Variants in LRRTM4 observed in about 807,000 individuals in gnomAD.
The protein encoded by LRRTM4 is leucine-rich repeat transmembrane neuronal protein 4.
LRRTM4 carries 25 observed loss-of-function variants against 47.6 expected under a neutral mutation model. The ratio of observed to expected loss-of-function variants is 0.53; its 90% CI spans 0.38 to 0.73. LRRTM4 has a LOEUF of 0.73. Ranked by LOEUF, LRRTM4 falls within the 30% of genes least tolerant of loss-of-function variation. The pLI, the probability that LRRTM4 is intolerant of heterozygous loss-of-function variation, is 0.00. For missense variants in LRRTM4, 638 were observed against 713.4 expected, an observed-to-expected ratio of 0.89 and a Z score of 1.20; for synonymous variants, 311 against 269.5, an observed-to-expected ratio of 1.15 and a Z score of -1.51.
rs374529044 is a variant in LRRTM4 at position 77,018,458 on chromosome 2, C to G, written c.1552-269542G>C. ...CCATATCATATCTGTGTCTGGATAA[C>G]CTTTTGCACTAGACTGCTCTGTATG... is the stretch of plus-strand genomic sequence containing the variant. On this transcript the variant is annotated intron_variant, in intron 3 of 3. Coordinates refer to ENST00000409884, the MANE Select transcript of LRRTM4 (RefSeq NM_001134745.3). Among the ~76,000 whole-genome samples the G allele has an allele frequency of 5.9e-5, 9 of 151,980 alleles. No homozygotes were observed. In the South Asian group the frequency reaches 1.2e-3, roughly 21 times the overall value.
intron 3 of LRRTM4, among the ~76,000 whole-genome samples, chr2:77,134,504 T>G: frequency 6.6e-6 from 1 of 152,330 alleles, no homozygotes. Flanking sequence ...GCATTTTCTC[T>G]ATTTATGGAT....
chr2:77,462,612 T>A (rs1313134483), intron 3 of LRRTM4, among the ~76,000 whole-genome samples: 1 of 151,634 alleles, frequency 6.6e-6, no homozygotes, highest in African/African-American at 2.4e-5. Flanking sequence ...AAAAAATAAA[T>A]AAAAAATAAA....
At chr2:77,085,512 T>C (rs1189117072) in intron 3 of LRRTM4, among the ~76,000 whole-genome samples, 1 of 151,972 alleles carries the variant, frequency 6.6e-6, no homozygotes, top group Non-Finnish European at 1.5e-5. Flanking sequence ...TAGTTTCCTA[T>C]TCTCTTTAAA....
At chr2:76,962,738 G>A (rs1253935003) in intron 3 of LRRTM4, among the ~76,000 whole-genome samples, 1 of 150,136 alleles carries the variant, frequency 6.7e-6, no homozygotes, top group Non-Finnish European at 1.5e-5. Context: ...GAACATCTTA[G>A]GAATTAAAGC....
At chr2:77,423,797 A>AT (rs890561603) in intron 3 of LRRTM4, among the ~76,000 whole-genome samples, 3 of 152,178 alleles carry the variant, frequency 2.0e-5, no homozygotes, top group Non-Finnish European at 4.4e-5. Flanking sequence ...TCTAATCTGC[A>AT]TAAAAAAAGA....
intron 3 of LRRTM4, among the ~76,000 whole-genome samples, chr2:76,958,995 A>G (rs1675766973): frequency 6.6e-6 from 1 of 151,586 alleles, no homozygotes; most frequent in South Asian, 2.1e-4. Context: ...GGAAGCAGCC[A>G]CACGGTCATT....
At chr2:77,202,542 T>G (rs1674006154) in intron 3 of LRRTM4, among the ~76,000 whole-genome samples, 1 of 151,848 alleles carries the variant, frequency 6.6e-6, no homozygotes, top group African/African-American at 2.4e-5. Flanking sequence ...ACATTGGAAT[T>G]TGGATAATTT....
chr2:76,801,518 G>T (rs1358612751), intron 3 of LRRTM4, among the ~76,000 whole-genome samples: 2 of 152,102 alleles, frequency 1.3e-5, no homozygotes, highest in African/African-American at 2.4e-5. Context: ...CTGTTGTGGT[G>T]TGGGGGGAGG....
Position 76,837,127 on chromosome 2 carries a change from G to A in LRRTM4, c.1552-88211C>T, listed in dbSNP as rs150451287. 2.3e-3 allele frequency among the ~76,000 whole-genome samples: 345 copies of A among 152,128 alleles called. 12 individuals are homozygous for A. In the East Asian group the frequency reaches 0.057, roughly 25 times the overall value. ...TTAGTCTTGGGAGACTGTATGTGTCGAGGAATTTATCCATTTCTGTTAGAT... is the reference window on the plus strand; with the variant it reads ...TTAGTCTTGGGAGACTGTATGTGTCAAGGAATTTATCCATTTCTGTTAGAT... On this transcript the variant is annotated intron_variant, in intron 3 of 3. Transcript: ENST00000409884.
intron 3 of LRRTM4, among the ~76,000 whole-genome samples, chr2:76,821,480 C>G (rs913061172): frequency 6.6e-6 from 1 of 151,580 alleles, no homozygotes; most frequent in African/African-American, 2.4e-5. Context: ...GCCATCATTT[C>G]TAAAACATCA....
intron 3 of LRRTM4, among the ~76,000 whole-genome samples, chr2:76,962,825 C>T (rs1307868223): frequency 5.3e-5 from 8 of 150,652 alleles, no homozygotes; most frequent in Non-Finnish European, 7.4e-5. Context: ...AATTGCAATG[C>T]TATTTGCACA....
At position 77,276,996 on chromosome 2, in the gene LRRTM4, A is replaced by T. The variant is rs551142225; in HGVS notation, c.1551+241322T>A. Among the ~76,000 whole-genome samples, 16 of 151,824 alleles carry T rather than the reference A, an allele frequency of 1.1e-4. No individual in the cohort carries two copies. The East Asian group carries it at 2.5e-3, about 24-fold the overall frequency. ...ATTGTCCTTGAGATAATGGCTGTAT[A>T]TTCTCTATCAGTATTCTGTGCTCGC... On this transcript the variant is annotated intron_variant, in intron 3 of 3. Coordinates refer to ENST00000409884, the MANE Select transcript of LRRTM4 (RefSeq NM_001134745.3).
intron 3 of LRRTM4, among the ~76,000 whole-genome samples, chr2:76,934,733 T>C (rs981228200): frequency 2.0e-5 from 3 of 152,266 alleles, no homozygotes; most frequent in African/African-American, 2.4e-5. Flanking sequence ...TTGGAAAACA[T>C]AGATGACAAT....
rs541702419 is a variant in LRRTM4, at chr2:77,293,736, T to C, written c.1551+224582A>G. 9.2e-5 allele frequency among the ~76,000 whole-genome samples: 14 copies of C among 152,220 alleles called. 1 individual carries two copies. The highest frequency in any genetic ancestry group is 7.9e-4 in the Admixed American group (12 of 15,276). Reference sequence around the variant, plus strand: ...TTCAATCCCTTGCAATTAGACAAGGTCATGTGACTAACTTAAGGGCTATGT... The same window carrying C: ...TTCAATCCCTTGCAATTAGACAAGGCCATGTGACTAACTTAAGGGCTATGT... On this transcript the variant is annotated intron_variant, in intron 3 of 3. Coordinates refer to ENST00000409884, the MANE Select transcript of LRRTM4 (RefSeq NM_001134745.3).
intron 3 of LRRTM4, among the ~76,000 whole-genome samples, chr2:76,776,055 A>G (rs71490162): frequency 4.6e-5 from 7 of 151,988 alleles, no homozygotes; most frequent in African/African-American, 1.5e-4. Flanking sequence ...ATGATTTCCA[A>G]TTTCATCCAT....
At chr2:76,789,249 A>T (rs1434269328) in intron 3 of LRRTM4, among the ~76,000 whole-genome samples, 4 of 152,140 alleles carry the variant, frequency 2.6e-5, no homozygotes, top group Non-Finnish European at 4.4e-5. Context: ...GCAGTGATGA[A>T]AGGGAATACA....
At chr2:77,320,678 G>T (rs1253452781) in intron 3 of LRRTM4, among the ~76,000 whole-genome samples, 1 of 151,846 alleles carries the variant, frequency 6.6e-6, no homozygotes, top group Non-Finnish European at 1.5e-5. Context: ...TGTTATGAAA[G>T]ATCAGAAATC....
chr2:76,902,579 A>G (rs1673676715), intron 3 of LRRTM4, among the ~76,000 whole-genome samples: 1 of 152,210 alleles, frequency 6.6e-6, no homozygotes, highest in African/African-American at 2.4e-5. Context: ...GATGGTAGCC[A>G]GAAATGGGAG....
In LRRTM4 at chr2:77,287,874, A is replaced by G. The variant is rs570211579; in HGVS notation, c.1551+230444T>C. On this transcript the variant is annotated intron_variant, in intron 3 of 3. Coordinates refer to ENST00000409884, the MANE Select transcript of LRRTM4 (RefSeq NM_001134745.3). ...CATAGTATACATAGGGTTTGGTACT[A>G]TCCGTGCCTTGGGCACCCACTGGGG... 2.8e-4 allele frequency among the ~76,000 whole-genome samples: 42 copies of G among 152,310 alleles called. 1 individual carries two copies. The highest frequency in any genetic ancestry group is 5.4e-4 in the Non-Finnish European group (37 of 68,014).
Sources: allele counts gnomAD v4.1 joint callset (sites outside exome capture counted in the v4.1 genomes callset), GRCh38; gene constraint gnomAD v4.1.1; transcripts MANE v1.5; gene names NCBI Gene and HGNC (gene_info 2026-07-23, HGNC 2026-07-21).